Variants in BHMT observed in about 807,000 individuals in gnomAD.
The protein encoded by BHMT is betaine--homocysteine S-methyltransferase 1.
BHMT carries 38 observed loss-of-function variants against 49.5 expected under a neutral mutation model. The ratio of observed to expected loss-of-function variants is 0.77; its 90% CI spans 0.59 to 1.01. The LOEUF is 1.01. Ranked by LOEUF, BHMT falls within the 50% of genes least tolerant of loss-of-function variation. The pLI, the probability that BHMT is intolerant of heterozygous loss-of-function variation, is 0.00. For missense variants in BHMT, 426 were observed against 495.7 expected (o/e 0.86, Z 1.34); for synonymous variants, 166 against 176.3 (o/e 0.94, Z 0.46).
At chr5:79,120,648 A>G in intron 4 of BHMT, 107 bp downstream of exon 4, 1 of 1,023,844 alleles carries the variant, frequency 9.8e-7, no homozygotes, top group Non-Finnish European at 1.3e-6. Flanking sequence ...ATAACTAGCA[A>G]TAGTAATATT....
At chr5:79,119,419 G>T (rs369270690) in intron 3 of BHMT, 42 bp downstream of exon 3, 7 of 1,490,602 alleles carry the variant, frequency 4.7e-6, no homozygotes, top group Non-Finnish European at 6.5e-6. Flanking sequence ...GGATATTGTC[G>T]ACCTATTGCA....
In BHMT at chr5:79,126,228, G is replaced by A; in HGVS notation, c.808G>A (p.Gly270Arg). The change falls in exon 6 of 8, where the codon GGA becomes AGA. Residue 270 changes from glycine to arginine, a missense_variant and splice_region_variant. Gly to Arg is a moderately radical substitution (Grantham distance 125). Transcript: ENST00000274353. ...CATCGATCTCCCAGAATTCCCATTT[G>A]GTAAGACCAACATTTGATGAATCAT... is the stretch of plus-strand genomic sequence containing the variant. The part of the protein sequence containing the change: ...GFIDLPEFPF[G>R]LEPRVATRWD... The A allele has an allele frequency of 1.2e-6, 2 of 1,613,318 alleles. No individual in the cohort carries two copies. The highest frequency in any genetic ancestry group is 1.7e-6 in the Non-Finnish European group (2 of 1,179,510).
chr5:79,115,823 C>T lies in BHMT; in HGVS notation c.90C>T (p.Val30=). Residue 30 remains valine, a synonymous_variant, in exon 2 of 8, where the codon GTC becomes GTT. Coordinates refer to ENST00000274353, the MANE Select transcript of BHMT (RefSeq NM_001713.3). ...GEIVIGDGGF[V]FALEKRGYVK... is the part of the protein sequence containing the mutation. ...TTGTGATTGGAGATGGAGGGTTTGTCTTTGCACTGGAGAAGAGGGGCTACG... is the reference window on the plus strand; with the variant it reads ...TTGTGATTGGAGATGGAGGGTTTGTTTTTGCACTGGAGAAGAGGGGCTACG... The T allele has an allele frequency of 6.2e-7, 1 of 1,614,064 alleles. No homozygotes were observed. Among genetic ancestry groups the T allele is most frequent in the Non-Finnish European group, 8.5e-7 (1 of 1,179,968 alleles).
chr5:79,129,234 T>A (rs1561256372), intron 7 of BHMT, among the ~76,000 whole-genome samples: 1 of 152,078 alleles, frequency 6.6e-6, no homozygotes, highest in African/African-American at 2.4e-5. Context: ...TAATGTCCAA[T>A]GAGTATAGTA....
intron 1 of BHMT, among the ~76,000 whole-genome samples, chr5:79,113,300 T>C (rs1314818932): frequency 2.4e-4 from 37 of 152,270 alleles, no homozygotes; most frequent in Non-Finnish European, 2.9e-5. Flanking sequence ...TTCCTATAGA[T>C]ATAGATATTT....
At chr5:79,116,564 T>C (rs747051916) in intron 2 of BHMT, among the ~76,000 whole-genome samples, 34 of 152,224 alleles carry the variant, frequency 2.2e-4, no homozygotes, top group Non-Finnish European at 4.3e-4. Context: ...GTTCAGGTCA[T>C]ATTTTGCCCC....
rs562585340 is a variant in BHMT at position 79,128,091 on chromosome 5, A to G, written c.1037+108A>G. On this transcript the variant is annotated intron_variant, in intron 7 of 7. Transcript: ENST00000274353. Reference sequence around the variant, plus strand: ...GTTGTGTGATGATGAAGAATCAGTCATCCCCAAATTCTCTCCCAGAGATGT... The same window carrying G: ...GTTGTGTGATGATGAAGAATCAGTCGTCCCCAAATTCTCTCCCAGAGATGT... 1.6e-5 allele frequency: 21 copies of G among 1,325,542 alleles called. No individual in the cohort carries two copies. In the South Asian group the frequency reaches 3.0e-4, roughly 19 times the overall value. The allele number at this position is 1,325,542 out of a possible 1,614,324, so 82.1% of individuals were successfully genotyped here. A position where few individuals can be genotyped will look rare whatever the true frequency, so the allele number is the denominator to read the frequency against.
intron 1 of BHMT, among the ~76,000 whole-genome samples, chr5:79,115,501 C>T (rs7700970): frequency 0.33 from 49,714 of 151,770 alleles, 8,871 homozygotes; most frequent in African/African-American, 0.46. Context: ...ACACCTCCCA[C>T]GGTGTTCTTC....
Position 79,121,166 on chromosome 5 carries a change from AT to A in BHMT, c.478-50del. The stretch of plus-strand genomic sequence containing the variant: ...ACTCCGTCTCAAAAAAAAAAAAAAA[AT>A]TGTTTTGGGAGAAACGAGATTAAAA... On this transcript the variant is annotated intron_variant, in intron 4 of 7. Coordinates refer to ENST00000274353, the MANE Select transcript of BHMT (RefSeq NM_001713.3). 58 of 1,562,664 alleles carry A rather than the reference AT, an allele frequency of 3.7e-5. No homozygotes were observed. In the South Asian group the frequency reaches 5.7e-4, roughly 15 times the overall value.
At chr5:79,130,188 A>G (rs1337079639) in intron 7 of BHMT, among the ~76,000 whole-genome samples, 1 of 152,114 alleles carries the variant, frequency 6.6e-6, no homozygotes, top group Non-Finnish European at 1.5e-5. Context: ...AAGAAATTCA[A>G]AGTAACTTTA....
intron 5 of BHMT, among the ~76,000 whole-genome samples, chr5:79,122,068 A>T (rs1212882842): frequency 3.3e-5 from 5 of 151,532 alleles, no homozygotes; most frequent in Non-Finnish European, 7.4e-5. Flanking sequence ...CAGCCTCCCG[A>T]GTAGCTGGGA....
chr5:79,115,956 G>A, intron 2 of BHMT, 57 bp downstream of exon 2: 1 of 1,519,786 alleles, frequency 6.6e-7, no homozygotes, highest in South Asian at 1.3e-5. Flanking sequence ...GGAGGCTCAT[G>A]CCTGTAATCC....
chr5:79,115,976 A>G, intron 2 of BHMT, 77 bp downstream of exon 2: 1 of 1,439,882 alleles, frequency 6.9e-7, no homozygotes, highest in Non-Finnish European at 9.2e-7. Flanking sequence ...CCAGCAACTC[A>G]GGAGGCTGAG....
rs543356604 is a variant in BHMT, at chr5:79,130,221, G to C, written c.1038-712G>C. ...TTAGACTTACAGATTGAGGGGAGGG[G>C]GTGGAATTTTTAGTCCAGATTAATG... On this transcript the variant is annotated intron_variant, in intron 7 of 7. Transcript: ENST00000274353. Among the ~76,000 whole-genome samples the C allele has an allele frequency of 4.6e-5, 7 of 152,104 alleles. No individual in the cohort carries two copies. In the South Asian group the frequency reaches 1.5e-3, roughly 32 times the overall value.
intron 2 of BHMT, among the ~76,000 whole-genome samples, chr5:79,118,423 C>T (rs1038700289): frequency 1.3e-5 from 2 of 152,074 alleles, no homozygotes; most frequent in Non-Finnish European, 2.9e-5. Flanking sequence ...GCCAAGATCA[C>T]GCCACTACAC....
At chr5:79,117,997 T>G (rs1756412272) in intron 2 of BHMT, among the ~76,000 whole-genome samples, 1 of 152,152 alleles carries the variant, frequency 6.6e-6, no homozygotes, top group Non-Finnish European at 1.5e-5. Flanking sequence ...TATGCCTCAC[T>G]CCAAACCATT....
intron 1 of BHMT, 22 bp downstream of exon 1, chr5:79,111,940 G>T: frequency 6.3e-7 from 1 of 1,579,542 alleles, no homozygotes; most frequent in South Asian, 1.2e-5. Context: ...GGGGACCCGA[G>T]GGCGCTCTCC....
At chr5:79,123,264 G>A (rs1398403949) in intron 5 of BHMT, among the ~76,000 whole-genome samples, 2 of 152,130 alleles carry the variant, frequency 1.3e-5, no homozygotes, top group Non-Finnish European at 2.9e-5. Flanking sequence ...GAGGAATGAA[G>A]GGGAGTGAGG....
At chr5:79,113,462 T>G (rs2112721220) in intron 1 of BHMT, among the ~76,000 whole-genome samples, 1 of 152,362 alleles carries the variant, frequency 6.6e-6, no homozygotes, top group East Asian at 1.9e-4. Context: ...AGTAACTTGT[T>G]TCCGTGCATA....
Sources: allele counts gnomAD v4.1 joint callset (sites outside exome capture counted in the v4.1 genomes callset), GRCh38; gene constraint gnomAD v4.1.1; transcripts MANE v1.5; gene names NCBI Gene and HGNC (gene_info 2026-07-23, HGNC 2026-07-21).